Variants in HMGB1 observed in about 807,000 individuals in gnomAD.
HMGB1 encodes the protein high mobility group protein B1.
For missense variants in HMGB1, 79 were observed against 253.5 expected (o/e 0.31, Z 4.67); for synonymous variants, 81 against 84.0 (o/e 0.96, Z 0.19).
At chr13:30,571,833 TATA>T (rs1486885908) in intron 1 of HMGB1, among the ~76,000 whole-genome samples, 5 of 152,148 alleles carry the variant, frequency 3.3e-5, no homozygotes, top group African/African-American at 4.8e-5. Flanking sequence ...ATTTTTATAG[TATA>T]ATAATAATAT....
chr13:30,527,813 GTT>G (rs1888402185), intron 1 of HMGB1, among the ~76,000 whole-genome samples: 1 of 152,134 alleles, frequency 6.6e-6, no homozygotes, highest in African/African-American at 2.4e-5. Context: ...ATAGCCAAAT[GTT>G]TAGTGAAGTC....
chr13:30,494,032 TTTAAATAGG>T (rs1887557167), intron 1 of HMGB1, among the ~76,000 whole-genome samples: 1 of 152,198 alleles, frequency 6.6e-6, no homozygotes, highest in South Asian at 2.1e-4. Flanking sequence ...AATGGCACAC[TTTAAATAGG>T]TGCAATTTAT....
chr13:30,517,954 C>T (rs539395544), intron 1 of HMGB1, among the ~76,000 whole-genome samples: 1 of 152,284 alleles, frequency 6.6e-6, no homozygotes, highest in East Asian at 1.9e-4. Context: ...TGACTTCCAT[C>T]GAGTAACATG....
intron 1 of HMGB1, among the ~76,000 whole-genome samples, chr13:30,555,305 T>C (rs1052288192): frequency 4.6e-5 from 7 of 152,168 alleles, no homozygotes; most frequent in Non-Finnish European, 7.3e-5. Context: ...CCTCCCAAAA[T>C]GCTGGGATTA....
At chr13:30,599,856 C>A (rs1871786448) in intron 1 of HMGB1, among the ~76,000 whole-genome samples, 1 of 152,106 alleles carries the variant, frequency 6.6e-6, no homozygotes, top group Admixed American at 6.5e-5. Flanking sequence ...GGGTGGGGCA[C>A]AATTCAGCCC....
At chr13:30,494,485 C>T (rs1414630753) in intron 1 of HMGB1, among the ~76,000 whole-genome samples, 3 of 152,052 alleles carry the variant, frequency 2.0e-5, no homozygotes, top group African/African-American at 4.8e-5. Flanking sequence ...CCTCAGCCTC[C>T]GGTGTAGCTG....
At chr13:30,464,969 C>A in intron 1 of HMGB1, 1 of 136,528 alleles carries the variant, frequency 7.3e-6, no homozygotes, top group African/African-American at 2.7e-5. Context: ...CCCGAGGGCC[C>A]ACCCGCCCGC....
intron 1 of HMGB1, among the ~76,000 whole-genome samples, chr13:30,488,510 G>A (rs897400600): frequency 1.6e-4 from 24 of 151,682 alleles, no homozygotes; most frequent in African/African-American, 4.8e-4. Flanking sequence ...TTGAGACAGG[G>A]TCTCTCTCTG....
At chr13:30,474,134 T>C (rs1887012151) in intron 1 of HMGB1, among the ~76,000 whole-genome samples, 1 of 152,236 alleles carries the variant, frequency 6.6e-6, no homozygotes, top group Non-Finnish European at 1.5e-5. Flanking sequence ...CAGCATGACC[T>C]GGTAAATATG....
At chr13:30,596,083 T>A (rs1871596884) in intron 1 of HMGB1, among the ~76,000 whole-genome samples, 1 of 152,186 alleles carries the variant, frequency 6.6e-6, no homozygotes. Flanking sequence ...AATTCCTTGG[T>A]ATGCCAATGG....
At chr13:30,500,997 A>G (rs903852527) in intron 1 of HMGB1, among the ~76,000 whole-genome samples, 1 of 151,254 alleles carries the variant, frequency 6.6e-6, no homozygotes, top group African/African-American at 2.4e-5. Context: ...TTTTTAAAAA[A>G]TTTTTTTGCA....
intron 1 of HMGB1, chr13:30,554,359 C>T (rs558402057): frequency 5.4e-5 from 46 of 854,492 alleles, no homozygotes; most frequent in Admixed American, 3.6e-4. Context: ...CTCTGGTAGA[C>T]GCTTGTCTTG....
intron 1 of HMGB1, among the ~76,000 whole-genome samples, chr13:30,558,278 T>C (rs1869776989): frequency 6.6e-6 from 1 of 152,168 alleles, no homozygotes; most frequent in South Asian, 2.1e-4. Flanking sequence ...AAGGTAAAAA[T>C]GATAAAATAA....
chr13:30,608,489 C>T (rs746675014), intron 1 of HMGB1, among the ~76,000 whole-genome samples: 8 of 152,106 alleles, frequency 5.3e-5, no homozygotes, highest in Non-Finnish European at 8.8e-5. Flanking sequence ...ACTTCCTTAC[C>T]GTAATATTCA....
Position 30,576,286 on chromosome 13 carries a change from G to A in HMGB1, c.-15+40385C>T, listed in dbSNP as rs1049810763. ...GGAGACCTAAATTCTACTCCTGCCT[G>A]TACCATGAAAGAGACAAATCCCAAG... On this transcript the variant is annotated intron_variant, in intron 1 of 4. Transcript: ENST00000405805. Among the ~76,000 whole-genome samples, 3 of 152,272 alleles carry A rather than the reference G, an allele frequency of 2.0e-5. No homozygotes were observed. The South Asian group carries it at 6.2e-4, about 32-fold the overall frequency.
chr13:30,465,716 G>T, intron 1 of HMGB1, 80 bp downstream of exon 1: 1 of 784,324 alleles, frequency 1.3e-6, no homozygotes, highest in Non-Finnish European at 1.5e-6. Flanking sequence ...GCCGGCTCCC[G>T]GCCGCGGGGA....
At position 30,554,141 on chromosome 13, in the gene HMGB1, C is replaced by A. The variant is rs1869564738; in HGVS notation, c.-15+62530G>T. On this transcript the variant is annotated intron_variant, in intron 1 of 4. Transcript: ENST00000405805. The stretch of plus-strand genomic sequence containing the variant: ...TGTGAAGTCATATTACACAGTACAT[C>A]TACTACGATTAGAAAATATCAATAG... The A allele has an allele frequency of 3.9e-6, 5 of 1,276,674 alleles. No homozygotes were observed. In the Admixed American group the frequency reaches 6.7e-5, roughly 17 times the overall value. The allele number at this position is 1,276,674 out of a possible 1,614,324, so 79.1% of individuals were successfully genotyped here.
chr13:30,572,135 G>GC (rs1870463196), intron 1 of HMGB1, among the ~76,000 whole-genome samples: 1 of 152,222 alleles, frequency 6.6e-6, no homozygotes, highest in Non-Finnish European at 1.5e-5. Context: ...TGTGACAACA[G>GC]CAAGTATAAA....
chr13:30,526,615 A>G (rs1418203511), intron 1 of HMGB1, among the ~76,000 whole-genome samples: 1 of 152,206 alleles, frequency 6.6e-6, no homozygotes, highest in Non-Finnish European at 1.5e-5. Flanking sequence ...CCTGCCTCAT[A>G]GGGCTATTGG....
Sources: gnomAD v4.1 joint callset for allele counts (sites outside exome capture counted in the v4.1 genomes callset) on GRCh38, gnomAD v4.1.1 for gene constraint, MANE v1.5 for transcripts, NCBI Gene and HGNC (gene_info 2026-07-23, HGNC 2026-07-21) for gene names.